Variants in PDK1 observed in about 807,000 individuals in gnomAD.
The protein encoded by PDK1 is pyruvate dehydrogenase kinase 1.
Under a neutral mutation model 54.2 loss-of-function variants are expected in PDK1, and 39 were observed. The ratio of observed to expected loss-of-function variants is 0.72; its 90% CI spans 0.56 to 0.94. The LOEUF is 0.94. Ranked by LOEUF, PDK1 falls within the 40% of genes least tolerant of loss-of-function variation. The probability of loss-of-function intolerance (pLI) is 0.00; values close to 1 mark genes in which losing one functional copy is unlikely to be tolerated. For synonymous variants in PDK1, 221 were observed against 207.1 expected (o/e 1.07, Z -0.58); for missense variants, 552 against 566.0 (o/e 0.98, Z 0.25).
chr2:172,622,871 GAT>G, the PDK1 span, among the ~76,000 whole-genome samples: 2 of 146,190 alleles, frequency 1.4e-5, no homozygotes, highest in Non-Finnish European at 3.0e-5. Context: ...AATATAATAT[GAT>G]ATATGTTTAC....
Position 172,602,116 on chromosome 2 carries a change from A to G in PDK1, c.*6147A>G, listed in dbSNP as rs535069826. The G allele has an allele frequency of 9.8e-5, 15 of 152,332 alleles. No individual in the cohort carries two copies. Among genetic ancestry groups the G allele is most frequent in the African/African-American group, 2.4e-4 (10 of 41,582 alleles). The allele number at this position is 152,332 out of a possible 1,614,324, so 9.4% of individuals were successfully genotyped here. On this transcript the variant is annotated 3_prime_UTR_variant, in exon 11 of 11. Coordinates refer to ENST00000282077, the MANE Select transcript of PDK1 (RefSeq NM_002610.5). ...AATTCCTGTCTTATAGAAACTTTGAAATGAGAGAAAGCTACCCAACCCATT... is the reference window on the plus strand; with the variant it reads ...AATTCCTGTCTTATAGAAACTTTGAGATGAGAGAAAGCTACCCAACCCATT...
At chr2:172,664,855 A>G in the PDK1 span, among the ~76,000 whole-genome samples, 1 of 152,036 alleles carries the variant, frequency 6.6e-6, no homozygotes, top group Non-Finnish European at 1.5e-5. Context: ...ATCAGAGGAG[A>G]ATTTTTCTCA....
At chr2:172,618,456 C>T in the PDK1 span, among the ~76,000 whole-genome samples, 6 of 152,184 alleles carry the variant, frequency 3.9e-5, no homozygotes, top group Non-Finnish European at 7.3e-5. Flanking sequence ...TCCTACTTTG[C>T]TTCACTTTAA....
chr2:172,595,314 C>G (rs1690830393), intron 10 of PDK1, among the ~76,000 whole-genome samples: 1 of 152,144 alleles, frequency 6.6e-6, no homozygotes, highest in South Asian at 2.1e-4. Context: ...AAGCAATCTT[C>G]CTGTGTAAGC....
intron 10 of PDK1, among the ~76,000 whole-genome samples, chr2:172,593,492 T>C (rs1690720846): frequency 6.6e-6 from 1 of 152,198 alleles, no homozygotes; most frequent in African/African-American, 2.4e-5. Flanking sequence ...GTGCATACTC[T>C]TTTTGGACTT....
At chr2:172,644,987 A>G in the PDK1 span, among the ~76,000 whole-genome samples, 10 of 151,270 alleles carry the variant, frequency 6.6e-5, no homozygotes, top group Non-Finnish European at 8.9e-5. Flanking sequence ...ACTAATACCC[A>G]GTACATAGGC....
chr2:172,680,353 C>T, the PDK1 span, among the ~76,000 whole-genome samples: 1 of 151,776 alleles, frequency 6.6e-6, no homozygotes, highest in South Asian at 2.1e-4. Context: ...TCTTTCTTTT[C>T]TTTTCTTTTT....
chr2:172,654,056 A>C, the PDK1 span, among the ~76,000 whole-genome samples: 1 of 152,240 alleles, frequency 6.6e-6, no homozygotes, highest in Non-Finnish European at 1.5e-5. Context: ...ATGCAAATCA[A>C]AACCATAATG....
At chr2:172,658,402 C>T in the PDK1 span, among the ~76,000 whole-genome samples, 4 of 152,292 alleles carry the variant, frequency 2.6e-5, no homozygotes, top group South Asian at 2.1e-4. Context: ...TATATCACCT[C>T]AGGATCACTG....
the PDK1 span, among the ~76,000 whole-genome samples, chr2:172,664,443 A>C: frequency 7.3e-4 from 109 of 149,308 alleles, no homozygotes; most frequent in Non-Finnish European, 1.5e-3. Context: ...AGTTTCATTC[A>C]TTCATTTTTT....
intron 3 of PDK1, 126 bp downstream of exon 3, chr2:172,562,417 C>A: frequency 3.0e-6 from 2 of 674,442 alleles, no homozygotes; most frequent in Admixed American, 2.6e-5. Flanking sequence ...CCCATACAGG[C>A]AGGACAAATA....
At chr2:172,555,658 C>G (rs1238704795), upstream of PDK1, 1 of 152,340 alleles carries the variant, frequency 6.6e-6, no homozygotes, top group East Asian at 1.9e-4. Context: ...TGTGTGCAAG[C>G]GGAACGCCGC....
chr2:172,719,855 C>G, the PDK1 span, among the ~76,000 whole-genome samples: 1 of 152,192 alleles, frequency 6.6e-6, no homozygotes, highest in Non-Finnish European at 1.5e-5. Flanking sequence ...TGAATCATCT[C>G]TGAGTTTTGT....
chr2:172,708,104 C>T, the PDK1 span, among the ~76,000 whole-genome samples: 3,518 of 151,992 alleles, frequency 0.023, 144 homozygotes, highest in African/African-American at 0.081. Context: ...GAGTTCAAGA[C>T]CAGCCTGGGA....
chr2:172,641,018 CTTTTCT>C, the PDK1 span, among the ~76,000 whole-genome samples: 1 of 14,212 alleles, frequency 7.0e-5, no homozygotes, highest in Admixed American at 1.4e-3. Context: ...TTCTTTCTTT[CTTTTCT>C]TTTTCTTTCT....
chr2:172,562,511 G>T (rs1233331798), intron 3 of PDK1, among the ~76,000 whole-genome samples: 3 of 152,230 alleles, frequency 2.0e-5, no homozygotes, highest in Non-Finnish European at 4.4e-5. Context: ...ATGATCAGTG[G>T]AAATGTAGGT....
At chr2:172,678,455 G>C in the PDK1 span, among the ~76,000 whole-genome samples, 3 of 152,112 alleles carry the variant, frequency 2.0e-5, no homozygotes, top group African/African-American at 7.2e-5. Flanking sequence ...AGTAAGACAG[G>C]AGACTGTTGG....
At chr2:172,621,719 A>G in the PDK1 span, among the ~76,000 whole-genome samples, 52 of 132,150 alleles carry the variant, frequency 3.9e-4, no homozygotes, top group Non-Finnish European at 3.1e-5. Context: ...CAAACATGTT[A>G]TATGTTTATA....
chr2:172,700,365 G>GCGGC, the PDK1 span, among the ~76,000 whole-genome samples: 1 of 150,694 alleles, frequency 6.6e-6, no homozygotes, highest in Non-Finnish European at 1.5e-5. Context: ...CCTGGACGGG[G>GCGGC]TGGCGGCGGG....
Sources: allele counts gnomAD v4.1 joint callset (sites outside exome capture counted in the v4.1 genomes callset), GRCh38; gene constraint gnomAD v4.1.1; transcripts MANE v1.5; gene names NCBI Gene and HGNC (gene_info 2026-07-23, HGNC 2026-07-21).